The following MGAT4C variants were observed in gnomAD, a reference collection of about 807,000 sequenced individuals.
The protein encoded by MGAT4C is alpha-1,3-mannosyl-glycoprotein 4-beta-N-acetylglucosaminyltransferase C.
Under a neutral mutation model 40.1 loss-of-function variants are expected in MGAT4C, and 19 were observed. The ratio of observed to expected loss-of-function variants is 0.47; its 90% CI spans 0.33 to 0.70. MGAT4C has a LOEUF of 0.70. Ranked by LOEUF, MGAT4C falls within the 30% of genes least tolerant of loss-of-function variation. The probability of loss-of-function intolerance (pLI) is 0.02; values close to 1 mark genes in which losing one functional copy is unlikely to be tolerated. For synonymous variants in MGAT4C, 181 were observed against 187.1 expected, an observed-to-expected ratio of 0.97 and a Z score of 0.27; for missense variants, 491 against 563.2, an observed-to-expected ratio of 0.87 and a Z score of 1.30.
intron 1 of MGAT4C, among the ~76,000 whole-genome samples, chr12:86,818,215 C>T (rs188713455): frequency 6.6e-6 from 1 of 151,170 alleles, no homozygotes; most frequent in East Asian, 1.9e-4. Flanking sequence ...AGAGAATTAG[C>T]ATTTCCAAGA....
intron 1 of MGAT4C, among the ~76,000 whole-genome samples, chr12:86,128,975 G>A (rs1202661107): frequency 1.3e-5 from 2 of 152,088 alleles, no homozygotes; most frequent in Non-Finnish European, 2.9e-5. Context: ...AAGATCAGTC[G>A]GCTGTAAGTA....
At chr12:86,470,806 C>A (rs900114498) in intron 2 of MGAT4C, among the ~76,000 whole-genome samples, 1 of 151,972 alleles carries the variant, frequency 6.6e-6, no homozygotes, top group Non-Finnish European at 1.5e-5. Context: ...ATACTAATAG[C>A]GAAATAACAT....
chr12:86,372,092 T>C (rs1296523621), intron 3 of MGAT4C, among the ~76,000 whole-genome samples: 1 of 151,926 alleles, frequency 6.6e-6, no homozygotes, highest in African/African-American at 2.4e-5. Flanking sequence ...GTAATCATAT[T>C]ATTAGGCTTT....
intron 3 of MGAT4C, among the ~76,000 whole-genome samples, chr12:86,336,810 TAA>T (rs1323106518): frequency 6.6e-6 from 1 of 152,084 alleles, no homozygotes; most frequent in Non-Finnish European, 1.5e-5. Context: ...TAAAACAAAA[TAA>T]GAGAAAGGAA....
intron 3 of MGAT4C, among the ~76,000 whole-genome samples, chr12:86,361,787 T>A (rs543275135): frequency 6.6e-6 from 1 of 152,182 alleles, no homozygotes; most frequent in Non-Finnish European, 1.5e-5. Flanking sequence ...CACAATGAGA[T>A]ACCATCTCAC....
intron 1 of MGAT4C, among the ~76,000 whole-genome samples, chr12:86,828,950 G>T (rs1337214669): frequency 1.3e-5 from 2 of 151,466 alleles, no homozygotes; most frequent in Non-Finnish European, 3.0e-5. Flanking sequence ...ATATAAATTT[G>T]CCAAAAGTTG....
At chr12:86,487,023 T>C (rs1382033406) in intron 2 of MGAT4C, among the ~76,000 whole-genome samples, 1 of 152,180 alleles carries the variant, frequency 6.6e-6, no homozygotes, top group Non-Finnish European at 1.5e-5. Flanking sequence ...AAGAGACTGG[T>C]GTATAAACTG....
chr12:86,643,397 C>T (rs4842796), intron 2 of MGAT4C, among the ~76,000 whole-genome samples: 145,100 of 151,872 alleles, frequency 0.96, 69,556 homozygotes, highest in Non-Finnish European at 1. Flanking sequence ...TCATGAATAG[C>T]CATAACCACA....
chr12:86,817,526 C>A (rs1216456700), intron 1 of MGAT4C, among the ~76,000 whole-genome samples: 2 of 151,282 alleles, frequency 1.3e-5, no homozygotes, highest in Non-Finnish European at 3.0e-5. Flanking sequence ...TTATTTTTTT[C>A]TATGGTTTTA....
intron 1 of MGAT4C, among the ~76,000 whole-genome samples, chr12:86,111,484 C>CAGAG (rs1330872747): frequency 6.6e-6 from 1 of 151,660 alleles, no homozygotes; most frequent in African/African-American, 2.4e-5. Flanking sequence ...CTCAGTTTTC[C>CAGAG]AGAGAGATGA....
intron 2 of MGAT4C, among the ~76,000 whole-genome samples, chr12:86,627,710 G>T (rs1835230561): frequency 6.6e-6 from 1 of 152,128 alleles, no homozygotes; most frequent in African/African-American, 2.4e-5. Flanking sequence ...TCAACAAAAA[G>T]GACATTCACA....
At chr12:86,076,939 C>T (rs1425178522) in intron 1 of MGAT4C, among the ~76,000 whole-genome samples, 1 of 152,172 alleles carries the variant, frequency 6.6e-6, no homozygotes. Flanking sequence ...TGTTCTAAGG[C>T]AGGAAGCATC....
intron 2 of MGAT4C, among the ~76,000 whole-genome samples, chr12:86,578,903 T>C (rs1316303903): frequency 6.6e-6 from 1 of 151,630 alleles, no homozygotes; most frequent in African/African-American, 2.4e-5. Flanking sequence ...TTGCTGTTGC[T>C]TTTCTAGTTA....
chr12:86,703,510 CA>C (rs1216284925), intron 2 of MGAT4C, among the ~76,000 whole-genome samples: 1 of 151,816 alleles, frequency 6.6e-6, no homozygotes, highest in African/African-American at 2.4e-5. Context: ...CTTCCACCAA[CA>C]AAAAAAATTC....
At chr12:86,821,469 A>G (rs1346971341) in intron 1 of MGAT4C, among the ~76,000 whole-genome samples, 1 of 150,964 alleles carries the variant, frequency 6.6e-6, no homozygotes, top group Non-Finnish European at 1.5e-5. Context: ...TTGGATATCC[A>G]TCACCTGAAG....
upstream of MGAT4C, among the ~76,000 whole-genome samples, chr12:86,259,119 T>C (rs941553316): frequency 1.3e-5 from 2 of 152,040 alleles, no homozygotes; most frequent in South Asian, 4.1e-4. Flanking sequence ...TATATATACA[T>C]ATATTCTCTT....
rs146515412 is a variant in MGAT4C at position 86,069,173 on chromosome 12, C to T, written c.-56-19450G>A. Among the ~76,000 whole-genome samples, 1,155 of 141,942 alleles carry T rather than the reference C, an allele frequency of 8.1e-3. 12 individuals carry two copies. The highest frequency in any genetic ancestry group is 0.026 in the African/African-American group (1,071 of 40,708). 93.1% of individuals were successfully genotyped at this position (141,942 alleles called of 152,430 possible). A position where few individuals can be genotyped will look rare whatever the true frequency, so the allele number is the denominator to read the frequency against. The stretch of plus-strand genomic sequence containing the variant: ...CATGTCATTTTGTACCTTCAGTTTT[C>T]GGAGTTAAAAATAATATAACATTAT... On this transcript the variant is annotated intron_variant, in intron 1 of 4. Transcript: ENST00000611864.
intron 2 of MGAT4C, among the ~76,000 whole-genome samples, chr12:86,484,319 A>C (rs2136316112): frequency 6.6e-6 from 1 of 152,312 alleles, no homozygotes; most frequent in Non-Finnish European, 1.5e-5. Context: ...CACCAGGCCA[A>C]GAGAGAGCAG....
At chr12:86,219,046 G>T (rs189996103) in intron 1 of MGAT4C, among the ~76,000 whole-genome samples, 4 of 152,164 alleles carry the variant, frequency 2.6e-5, no homozygotes, top group African/African-American at 9.6e-5. Flanking sequence ...TGGGCGTGGT[G>T]GCAGGCACCT....
Sources: allele counts gnomAD v4.1 joint callset (sites outside exome capture counted in the v4.1 genomes callset), GRCh38; gene constraint gnomAD v4.1.1; transcripts MANE v1.5; gene names NCBI Gene and HGNC (gene_info 2026-07-23, HGNC 2026-07-21).